TMEM26: variants seen among roughly 807,000 people sequenced by gnomAD.
TMEM26 encodes transmembrane protein 26.
Under a neutral mutation model 28.8 loss-of-function variants are expected in TMEM26, and 38 were observed. That is an observed-to-expected ratio of 1.32 (90% CI 1.02 to 1.73). The LOEUF (loss-of-function observed/expected upper bound fraction) is 1.73, where lower values mean the gene tolerates loss of function less well. TMEM26 is among the 40% of genes most tolerant of loss of function. TMEM26 has a pLI of 0.00. For missense variants in TMEM26, 518 were observed against 447.1 expected (o/e 1.16, Z -1.43); for synonymous variants, 227 against 182.9 (o/e 1.24, Z -1.95).
intron 5 of TMEM26, among the ~76,000 whole-genome samples, chr10:61,411,587 A>G (rs1839570062): frequency 6.6e-6 from 1 of 152,248 alleles, no homozygotes; most frequent in African/African-American, 2.4e-5. Flanking sequence ...AAAAAGCCTG[A>G]ATAAATGCCG....
chr10:61,414,044 C>T, intron 4 of TMEM26: 1 of 987,054 alleles, frequency 1.0e-6, no homozygotes, highest in East Asian at 1.1e-4. Context: ...ATCCAATAAA[C>T]AAAGATTTAT....
intron 3 of TMEM26, among the ~76,000 whole-genome samples, chr10:61,429,582 G>T: frequency 6.6e-6 from 1 of 151,638 alleles, no homozygotes; most frequent in African/African-American, 2.4e-5. Flanking sequence ...AATATTTTTA[G>T]CATTGTACAA....
intron 4 of TMEM26, among the ~76,000 whole-genome samples, chr10:61,423,124 A>T (rs1839775305): frequency 2.0e-5 from 3 of 152,198 alleles, no homozygotes; most frequent in Admixed American, 1.3e-4. Flanking sequence ...CCTAGAAAGG[A>T]AAATGTAATC....
chr10:61,415,170 G>A, intron 4 of TMEM26: 1 of 985,070 alleles, frequency 1.0e-6, no homozygotes, highest in South Asian at 4.7e-5. Flanking sequence ...GATTAGAATA[G>A]AATTGGATAG....
At chr10:61,430,297 T>A (rs1839900433) in intron 3 of TMEM26, among the ~76,000 whole-genome samples, 1 of 152,040 alleles carries the variant, frequency 6.6e-6, no homozygotes, top group South Asian at 2.1e-4. Flanking sequence ...ATTGAAAATA[T>A]GTTTTGGTGA....
intron 2 of TMEM26, 45 bp downstream of exon 2, chr10:61,436,125 G>A (rs762997336): frequency 8.1e-7 from 1 of 1,232,402 alleles, no homozygotes; most frequent in Non-Finnish European, 1.2e-6. Flanking sequence ...TGTGAAAGTA[G>A]CTTATTGCTG....
chr10:61,420,809 T>A (rs1360567519), intron 4 of TMEM26, among the ~76,000 whole-genome samples: 1 of 151,430 alleles, frequency 6.6e-6, no homozygotes, highest in Non-Finnish European at 1.5e-5. Context: ...CGAAAGGAAA[T>A]TACACCACAT....
Position 61,413,488 on chromosome 10 carries a change from C to G in TMEM26, c.653G>C (p.Ser218Thr). The change falls in exon 5 of 6, where the codon AGC (serine) becomes ACC (threonine). Residue 218 changes from serine to threonine, a missense_variant. Ser to Thr is a moderately conservative substitution (Grantham distance 58). Transcript: ENST00000399298. ...VYAILVIWTW[S>T]MLQFPLDLAV... ...CAGGTCAAGTGGAAACTGCAGCATG[C>G]TCCAAGTCCATATAACAAGGATGGC... 1 of 1,613,088 alleles carries G rather than the reference C, an allele frequency of 6.2e-7. No homozygotes were observed.
Position 61,407,209 on chromosome 10 carries a change from T to C in TMEM26, c.*3113A>G, listed in dbSNP as rs1476659471. 1.3e-5 allele frequency: 2 copies of C among 152,184 alleles called. No homozygotes were observed. The highest frequency in any genetic ancestry group is 4.8e-5 in the African/African-American group (2 of 41,454). 9.4% of individuals were successfully genotyped at this position (152,184 alleles called of 1,614,324 possible). A position where few individuals can be genotyped will look rare whatever the true frequency, so the allele number is the denominator to read the frequency against. ...AAAGATGGATAGAAATCTTAAAGCA[T>C]GTGCACCTACAAATGCATGCCTTTC... On this transcript the variant is annotated 3_prime_UTR_variant, in exon 6 of 6. Coordinates refer to ENST00000399298, the MANE Select transcript of TMEM26 (RefSeq NM_178505.8).
intron 2 of TMEM26, among the ~76,000 whole-genome samples, chr10:61,433,283 T>C (rs1839951842): frequency 1.3e-5 from 2 of 152,146 alleles, no homozygotes; most frequent in South Asian, 2.1e-4. Flanking sequence ...GGCCTCTACA[T>C]TGGGACTGCA....
At chr10:61,428,889 C>G in intron 4 of TMEM26, 37 bp downstream of exon 4, 1 of 1,586,824 alleles carries the variant, frequency 6.3e-7, no homozygotes, top group Non-Finnish European at 8.6e-7. Context: ...GGTCTTGACC[C>G]TGAAAACAAG....
At position 61,453,185 on chromosome 10, in the gene TMEM26, CCTG is replaced by C. The variant is rs888585817; in HGVS notation, c.-107_-105del. The stretch of plus-strand genomic sequence containing the variant: ...AGCAGGAATATGACAAGCACTGAGA[CCTG>C]CTGCTGCTTGTGGTCCCTTCTCACC... On this transcript the variant is annotated 5_prime_UTR_variant, in exon 1 of 6. Transcript: ENST00000399298. 1 of 1,208,916 alleles carries C rather than the reference CCTG, an allele frequency of 8.3e-7. No individual in the cohort carries two copies. The highest frequency in any genetic ancestry group is 1.5e-5 in the African/African-American group (1 of 66,604). The allele number at this position is 1,208,916 out of a possible 1,614,324, so 74.9% of individuals were successfully genotyped here. A position where few individuals can be genotyped will look rare whatever the true frequency, so the allele number is the denominator to read the frequency against.
intron 4 of TMEM26, 130 bp downstream of exon 4, chr10:61,428,796 C>T: frequency 1.3e-6 from 1 of 767,226 alleles, no homozygotes; most frequent in Non-Finnish European, 2.1e-6. Context: ...AGCAAATTCT[C>T]TGATCCTAAC....
At chr10:61,414,105 G>A in intron 4 of TMEM26, 2 of 949,138 alleles carry the variant, frequency 2.1e-6, no homozygotes, top group Non-Finnish European at 1.3e-6. Flanking sequence ...ATTCACCACT[G>A]TATCCTTAGT....
chr10:61,432,553 A>G (rs1195102731), intron 2 of TMEM26, among the ~76,000 whole-genome samples: 2 of 152,158 alleles, frequency 1.3e-5, no homozygotes, highest in Non-Finnish European at 2.9e-5. Context: ...AAACATCTGC[A>G]GTGCTAACAT....
At chr10:61,416,083 G>A (rs1334751472) in intron 4 of TMEM26, 6 of 449,882 alleles carry the variant, frequency 1.3e-5, no homozygotes, top group Non-Finnish European at 1.8e-5. Context: ...TGCCACTTGG[G>A]GTTAGTATGT....
intron 1 of TMEM26, among the ~76,000 whole-genome samples, chr10:61,451,077 C>T (rs187583542): frequency 8.5e-5 from 13 of 152,162 alleles, no homozygotes; most frequent in Non-Finnish European, 1.9e-4. Flanking sequence ...CAGATTTTAC[C>T]CCATTATCTG....
intron 3 of TMEM26, 79 bp from the exon 4 acceptor site, chr10:61,429,225 A>G (rs1228223204): frequency 1.3e-5 from 16 of 1,235,658 alleles, no homozygotes; most frequent in Admixed American, 3.6e-5. Flanking sequence ...TGTGCTTTCA[A>G]TCAAGAGTTT....
intron 4 of TMEM26, chr10:61,413,824 G>A: frequency 9.6e-7 from 1 of 1,042,674 alleles, no homozygotes; most frequent in Middle Eastern, 4.5e-4. Flanking sequence ...AACATTATGG[G>A]AGAAAAATGA....
Sources: gnomAD v4.1 joint callset for allele counts (sites outside exome capture counted in the v4.1 genomes callset) on GRCh38, gnomAD v4.1.1 for gene constraint, MANE v1.5 for transcripts, NCBI Gene and HGNC (gene_info 2026-07-23, HGNC 2026-07-21) for gene names.